Variants in GRM8 observed in about 807,000 individuals in gnomAD.
The protein encoded by GRM8 is glutamate metabotropic receptor 8, also known as metabotropic glutamate receptor 8.
In GRM8, 47 loss-of-function variants were observed where a neutral mutation model predicts 87.2. The ratio of observed to expected loss-of-function variants is 0.54; its 90% CI spans 0.43 to 0.69. GRM8 has a LOEUF of 0.69. Ranked by LOEUF, GRM8 falls within the 30% of genes least tolerant of loss-of-function variation. The probability of loss-of-function intolerance (pLI) is 0.00; values close to 1 mark genes in which losing one functional copy is unlikely to be tolerated. For missense variants in GRM8, 1,019 were observed against 1,139.2 expected, an observed-to-expected ratio of 0.89 and a Z score of 1.52; for synonymous variants, 396 against 404.5, an observed-to-expected ratio of 0.98 and a Z score of 0.25.
At chr7:126,520,179 GAAAAAAGAAGAGAAGT>G (rs1812772670) in intron 9 of GRM8, among the ~76,000 whole-genome samples, 1 of 151,804 alleles carries the variant, frequency 6.6e-6, no homozygotes, top group African/African-American at 2.4e-5. Context: ...CTAAACAGGG[GAAAAAAGAAGAGAAGT>G]CTAAAAAGAA....
intron 9 of GRM8, among the ~76,000 whole-genome samples, chr7:126,462,612 T>C (rs1198708284): frequency 6.6e-6 from 1 of 151,700 alleles, no homozygotes. Flanking sequence ...ATTAAAACTA[T>C]GTTCCTAAGA....
intron 8 of GRM8, among the ~76,000 whole-genome samples, chr7:126,563,121 T>C (rs1793880731): frequency 6.6e-6 from 1 of 152,150 alleles, no homozygotes. Context: ...TTACGTGTGC[T>C]TCCTCATGTT....
intron 7 of GRM8, among the ~76,000 whole-genome samples, chr7:126,765,452 A>G (rs1818094434): frequency 6.6e-6 from 1 of 152,080 alleles, no homozygotes; most frequent in African/African-American, 2.4e-5. Flanking sequence ...TTAATATGCC[A>G]CTGTGCTTGA....
chr7:126,532,764 GATATATAT>G (rs521), intron 9 of GRM8, among the ~76,000 whole-genome samples, 180 bp downstream of exon 9: 183 of 110,888 alleles, frequency 1.7e-3, no homozygotes, highest in Middle Eastern at 4.4e-3. Flanking sequence ...GACGGATGGA[GATATATAT>G]ATATATATAT....
chr7:127,086,155 C>G (rs1223671713), intron 3 of GRM8, among the ~76,000 whole-genome samples: 1 of 152,186 alleles, frequency 6.6e-6, no homozygotes, highest in Admixed American at 6.5e-5. Flanking sequence ...GGCTGGAGTG[C>G]AGTGGCATGA....
intron 3 of GRM8, among the ~76,000 whole-genome samples, chr7:127,087,765 A>G (rs1205743935): frequency 6.6e-6 from 1 of 152,248 alleles, no homozygotes; most frequent in African/African-American, 2.4e-5. Context: ...ACTTTTTACC[A>G]TAATAAAATG....
chr7:126,862,867 G>C (rs1187071367), intron 6 of GRM8, among the ~76,000 whole-genome samples: 2 of 151,758 alleles, frequency 1.3e-5, no homozygotes, highest in Non-Finnish European at 2.9e-5. Flanking sequence ...GATCGATTTT[G>C]CCATGGGCTT....
chr7:126,720,531 C>G (rs1372483212), intron 7 of GRM8, among the ~76,000 whole-genome samples: 4 of 152,042 alleles, frequency 2.6e-5, no homozygotes, highest in Admixed American at 2.6e-4. Flanking sequence ...ATAATGAAAG[C>G]AAAATTTAAC....
At chr7:126,593,095 T>C (rs571411967) in intron 8 of GRM8, among the ~76,000 whole-genome samples, 2 of 151,898 alleles carry the variant, frequency 1.3e-5, no homozygotes, top group Non-Finnish European at 3.0e-5. Context: ...GAAATACTGG[T>C]GAAAAAATTT....
chr7:127,228,104 T>C (rs527359418), intron 2 of GRM8, among the ~76,000 whole-genome samples: 1 of 152,172 alleles, frequency 6.6e-6, no homozygotes, highest in Admixed American at 6.5e-5. Context: ...CAGAAATAAT[T>C]TGAAAACATA....
chr7:126,495,925 G>T (rs1034145605), intron 9 of GRM8, among the ~76,000 whole-genome samples: 1 of 151,998 alleles, frequency 6.6e-6, no homozygotes, highest in Non-Finnish European at 1.5e-5. Context: ...TGTTTGCACA[G>T]TAACTGTTGG....
chr7:126,867,343 A>C (rs1180597705), intron 6 of GRM8, among the ~76,000 whole-genome samples: 1 of 152,172 alleles, frequency 6.6e-6, no homozygotes, highest in Admixed American at 6.5e-5. Context: ...CTTGTTCCAA[A>C]CATTCGCTGT....
chr7:126,663,100 T>G (rs1805385757), intron 7 of GRM8, among the ~76,000 whole-genome samples: 1 of 152,226 alleles, frequency 6.6e-6, no homozygotes, highest in African/African-American at 2.4e-5. Flanking sequence ...CTTTCCATTT[T>G]AAAAGATTTT....
chr7:126,528,152 C>T (rs548472942), intron 9 of GRM8, among the ~76,000 whole-genome samples: 45 of 152,046 alleles, frequency 3.0e-4, no homozygotes, highest in South Asian at 6.2e-4. Flanking sequence ...TGCAGTGAGC[C>T]GAGGTAGTGC....
chr7:127,184,761 T>C (rs1329845405), intron 2 of GRM8, among the ~76,000 whole-genome samples: 1 of 151,978 alleles, frequency 6.6e-6, no homozygotes, highest in African/African-American at 2.4e-5. Context: ...CTGGAATTAA[T>C]GAGTGAGTAT....
Position 126,944,441 on chromosome 7 carries a change from G to C in GRM8, c.728-39758C>G, listed in dbSNP as rs948917115. On this transcript the variant is annotated intron_variant, in intron 3 of 10. Transcript: ENST00000339582. The stretch of plus-strand genomic sequence containing the variant: ...TAAACTAGATACTTGACCCATGAGG[G>C]CTGCACAGGCTTTGAGGAGAGGATT... Among the ~76,000 whole-genome samples, 74 of 152,160 alleles carry C rather than the reference G, an allele frequency of 4.9e-4. 2 individuals are homozygous for C. Among genetic ancestry groups the C allele is most frequent in the Non-Finnish European group, 1.0e-4 (7 of 68,026 alleles).
At chr7:127,020,699 A>C (rs1347032480) in intron 3 of GRM8, among the ~76,000 whole-genome samples, 4 of 152,046 alleles carry the variant, frequency 2.6e-5, no homozygotes, top group Non-Finnish European at 5.9e-5. Flanking sequence ...GTGTTACCTC[A>C]CTGGTTCCCT....
intron 3 of GRM8, among the ~76,000 whole-genome samples, chr7:127,051,602 C>A (rs1422044905): frequency 2.6e-5 from 4 of 151,594 alleles, no homozygotes; most frequent in African/African-American, 7.3e-5. Flanking sequence ...GGCACCATTT[C>A]CAACAATGAA....
Position 126,948,507 on chromosome 7 carries a change from A to G in GRM8, c.728-43824T>C, listed in dbSNP as rs1279474292. Among the ~76,000 whole-genome samples, 12 of 150,572 alleles carry G rather than the reference A, an allele frequency of 8.0e-5. No homozygotes were observed. The Admixed American group carries it at 8.0e-4, about 10-fold the overall frequency. On this transcript the variant is annotated intron_variant, in intron 3 of 10. Transcript: ENST00000339582. The stretch of plus-strand genomic sequence containing the variant: ...AAGAACAGATGATGCCAAGGAAAGG[A>G]GTTTTGACTTTTGTCTAGGGAGATG...
Sources: gnomAD v4.1 joint callset for allele counts (sites outside exome capture counted in the v4.1 genomes callset) on GRCh38, gnomAD v4.1.1 for gene constraint, MANE v1.5 for transcripts, NCBI Gene and HGNC (gene_info 2026-07-23, HGNC 2026-07-21) for gene names.